ZNF616: variants seen among roughly 807,000 people sequenced by gnomAD.
ZNF616 encodes zinc finger protein 616.
Under a neutral mutation model 7.6 loss-of-function variants are expected in ZNF616, and 5 were observed. The ratio of observed to expected loss-of-function variants is 0.66; its 90% confidence interval spans 0.34 to 1.38. The LOEUF (loss-of-function observed/expected upper bound fraction) is 1.38, where lower values mean the gene tolerates loss of function less well. Among genes scored for constraint, ZNF616 ranks in the 40% most tolerant of loss-of-function variants. The pLI is 0.04. For missense variants in ZNF616, 913 were observed against 948.3 expected (o/e 0.96, Z 0.49); for synonymous variants, 319 against 317.2 (o/e 1.01, Z -0.06).
At position 52,124,019 on chromosome 19, in the gene ZNF616, C is replaced by G; in HGVS notation, c.43G>C (p.Glu15Gln). Residue 15 changes from glutamate to glutamine, a missense_variant, in exon 3 of 4, where the codon GAA (glutamate) becomes CAA (glutamine). Physicochemically the swap from Glu to Gln is conservative, Grantham distance 29 (BLOSUM62 2). Coordinates refer to ENST00000600228, the MANE Select transcript of ZNF616 (RefSeq NM_178523.5). ...GHLTFKDVAI[E>Q]FSQEEWKCLE... ...CATTTCCACTCCTCCTGAGAGAATTCTATGGCTACATCCTTGAATGTCAAA... is the reference window on the plus strand; with the variant it reads ...CATTTCCACTCCTCCTGAGAGAATTGTATGGCTACATCCTTGAATGTCAAA... 1 of 1,612,202 alleles carries G rather than the reference C, an allele frequency of 6.2e-7. No individual in the cohort carries two copies. Among genetic ancestry groups the G allele is most frequent in the East Asian group, 2.2e-5 (1 of 44,862 alleles).
intron 2 of ZNF616, among the ~76,000 whole-genome samples, chr19:52,124,524 C>T (rs190708626): frequency 1.0e-3 from 154 of 152,290 alleles, no homozygotes; most frequent in African/African-American, 3.5e-3. Context: ...ATTCAAATAA[C>T]AACATGATAG....
In ZNF616 at chr19:52,116,470, T is replaced by C. The variant is rs765916935; in HGVS notation, c.694A>G (p.Lys232Glu). 9.3e-6 allele frequency: 15 copies of C among 1,613,938 alleles called. No individual in the cohort carries two copies. The Admixed American group carries it at 2.3e-4, about 25-fold the overall frequency. The stretch of plus-strand genomic sequence containing the variant: ...GATTTCCCTCTTGTATGGACTACCT[T>C]GTGTACAGTTAGTAGTGAGGCCCGA... ...FHRASLLTVH[K>E]VVHTRGKSYQ... Residue 232 changes from lysine (K) to glutamate (E), a missense_variant, in exon 4 of 4, where the codon AAG becomes GAG. Lys to Glu is a moderately conservative substitution (Grantham distance 56, BLOSUM62 1). Transcript: ENST00000600228.
chr19:52,123,478 T>C (rs945768830), intron 3 of ZNF616, among the ~76,000 whole-genome samples: 3 of 151,852 alleles, frequency 2.0e-5, no homozygotes, highest in Non-Finnish European at 4.4e-5. Context: ...AGTAAAACCC[T>C]GTCTCTACAC....
chr19:52,126,015 G>A (rs2088904042), intron 2 of ZNF616, among the ~76,000 whole-genome samples: 1 of 152,158 alleles, frequency 6.6e-6, no homozygotes, highest in Non-Finnish European at 1.5e-5. Context: ...AGCATGGGAA[G>A]TCTCCAGAAT....
chr19:52,137,611 G>A (rs1030574306), intron 1 of ZNF616, among the ~76,000 whole-genome samples: 1 of 152,074 alleles, frequency 6.6e-6, no homozygotes, highest in African/African-American at 2.4e-5. Flanking sequence ...GTTACCACAG[G>A]ATGCTGGGTG....
intron 2 of ZNF616, among the ~76,000 whole-genome samples, chr19:52,129,138 C>T (rs1251664780): frequency 6.6e-6 from 1 of 151,558 alleles, no homozygotes; most frequent in Non-Finnish European, 1.5e-5. Context: ...ATGAGCCAGG[C>T]GTGGTGGTGC....
At chr19:52,134,694 G>A (rs2088992672) in intron 1 of ZNF616, among the ~76,000 whole-genome samples, 1 of 152,160 alleles carries the variant, frequency 6.6e-6, no homozygotes, top group South Asian at 2.1e-4. Flanking sequence ...ACTGGCCACA[G>A]AAGAGTTCTG....
In ZNF616 at chr19:52,116,864, T is replaced by C. The variant is rs752759042; in HGVS notation, c.300A>G (p.Gln100=). Reference sequence around the variant, plus strand: ...TATCATTTGTTTCACCATCTTTCCATTGAAATTCAAGGTCATGTAGATGTT... The same window carrying C: ...TATCATTTGTTTCACCATCTTTCCACTGAAATTCAAGGTCATGTAGATGTT... ...IQKHLHDLEF[Q]WKDGETNDKE... The change falls in exon 4 of 4, where the codon CAA becomes CAG. Residue 100 remains glutamine, a synonymous_variant. Transcript: ENST00000600228. The C allele has an allele frequency of 1.9e-6, 3 of 1,613,844 alleles. No homozygotes were observed. The highest frequency in any genetic ancestry group is 2.2e-5 in the East Asian group (1 of 44,860).
At chr19:52,134,878 C>T (rs1369541427) in intron 1 of ZNF616, among the ~76,000 whole-genome samples, 1 of 152,120 alleles carries the variant, frequency 6.6e-6, no homozygotes, top group East Asian at 1.9e-4. Context: ...GAGTTTAAAG[C>T]ATTTTGCCTC....
chr19:52,134,089 C>T (rs1385037759), intron 1 of ZNF616, among the ~76,000 whole-genome samples: 3 of 152,072 alleles, frequency 2.0e-5, no homozygotes, highest in Non-Finnish European at 2.9e-5. Flanking sequence ...TTGTTTTGTA[C>T]GAGCCTCCCG....
rs778464765 is a variant in ZNF616 at position 52,115,107 on chromosome 19, T to C, written c.2057A>G (p.Lys686Arg). ...LTAHQIIHAG[K>R]KPYKCDECGK... ...ACATTCATCACATTTATATGGTTTCTTTCCTGCATGAATTATCTGATGTGC... is the reference window on the plus strand; with the variant it reads ...ACATTCATCACATTTATATGGTTTCCTTCCTGCATGAATTATCTGATGTGC... Residue 686 changes from lysine (K) to arginine (R), a missense_variant, in exon 4 of 4, where the codon AAG becomes AGG. Physicochemically the swap from Lys to Arg is conservative, Grantham distance 26. Coordinates refer to ENST00000600228, the MANE Select transcript of ZNF616 (RefSeq NM_178523.5). 1.9e-6 allele frequency: 3 copies of C among 1,614,200 alleles called. No individual in the cohort carries two copies. The highest frequency in any genetic ancestry group is 2.2e-5 in the South Asian group (2 of 91,082).
At chr19:52,138,243 G>C (rs1328719816) in intron 1 of ZNF616, among the ~76,000 whole-genome samples, 1 of 152,170 alleles carries the variant, frequency 6.6e-6, no homozygotes, top group African/African-American at 2.4e-5. Flanking sequence ...TCCCTCCCTG[G>C]AAAGAAGAGT....
At chr19:52,133,755 C>T (rs1462376894) in intron 1 of ZNF616, among the ~76,000 whole-genome samples, 1 of 152,048 alleles carries the variant, frequency 6.6e-6, no homozygotes, top group Non-Finnish European at 1.5e-5. Context: ...TCAGGTGATC[C>T]GCCCGCCTCG....
Position 52,114,547 on chromosome 19 carries a change from T to C in ZNF616, c.*271A>G. On this transcript the variant is annotated 3_prime_UTR_variant, in exon 4 of 4. Coordinates refer to ENST00000600228, the MANE Select transcript of ZNF616 (RefSeq NM_178523.5). Reference sequence around the variant, plus strand: ...AAGCGGGTGTCGGTATTTCACATGGTGAGAATGAGGGCAAGCGACAGGGAA... The same window carrying C: ...AAGCGGGTGTCGGTATTTCACATGGCGAGAATGAGGGCAAGCGACAGGGAA... 1 of 329,922 alleles carries C rather than the reference T, an allele frequency of 3.0e-6. No individual in the cohort carries two copies. Among genetic ancestry groups the C allele is most frequent in the East Asian group, 4.9e-5 (1 of 20,562 alleles). The allele number at this position is 329,922 out of a possible 1,614,324, so 20.4% of individuals were successfully genotyped here. A position where few individuals can be genotyped will look rare whatever the true frequency, so the allele number is the denominator to read the frequency against.
At chr19:52,129,298 A>G (rs2088937514) in intron 2 of ZNF616, among the ~76,000 whole-genome samples, 1 of 152,154 alleles carries the variant, frequency 6.6e-6, no homozygotes, top group African/African-American at 2.4e-5. Context: ...AGCAAAAAAC[A>G]AAACAAAATT....
At chr19:52,130,359 G>C in intron 2 of ZNF616, 142 bp downstream of exon 2, 1 of 883,014 alleles carries the variant, frequency 1.1e-6, no homozygotes, top group Non-Finnish European at 1.9e-6. Flanking sequence ...GGAAAAGCAT[G>C]GATGAGCATG....
In ZNF616 at chr19:52,130,533, T is replaced by C. The variant is rs1168864030; in HGVS notation, c.-21A>G. The C allele has an allele frequency of 6.2e-7, 1 of 1,603,586 alleles. No individual in the cohort carries two copies. The highest frequency in any genetic ancestry group is 2.2e-5 in the East Asian group (1 of 44,846). ...GCCATCACTGACTCCTTTTCCTTCC[T>C]CTTCTTCCTCTTCTGGGTTTCTTTC... On this transcript the variant is annotated 5_prime_UTR_variant, in exon 2 of 4. Coordinates refer to ENST00000600228, the MANE Select transcript of ZNF616 (RefSeq NM_178523.5).
At chr19:52,122,975 G>A (rs1034498170) in intron 3 of ZNF616, among the ~76,000 whole-genome samples, 8 of 152,124 alleles carry the variant, frequency 5.3e-5, no homozygotes, top group Non-Finnish European at 8.8e-5. Context: ...CAGGAGAAAT[G>A]GGAGTAAAAG....
chr19:52,119,485 G>A (rs905113079), intron 3 of ZNF616, among the ~76,000 whole-genome samples: 3 of 152,138 alleles, frequency 2.0e-5, no homozygotes. Context: ...AATAATGGGA[G>A]TGTAAAACTT....
Sources: allele counts gnomAD v4.1 joint callset (sites outside exome capture counted in the v4.1 genomes callset), GRCh38; gene constraint gnomAD v4.1.1; transcripts MANE v1.5; gene names NCBI Gene and HGNC (gene_info 2026-07-23, HGNC 2026-07-21).